Variants in PSMA2 observed in about 807,000 individuals in gnomAD.
PSMA2 encodes the protein proteasome subunit alpha type-2.
In PSMA2, 2 loss-of-function variants were observed where a neutral mutation model predicts 35.9. The observed-to-expected ratio is 0.06, with a 90% CI of 0.02 to 0.18. PSMA2 has a LOEUF of 0.18. Among genes scored for constraint, PSMA2 ranks in the 10% least tolerant of loss-of-function variants. The pLI is 1.00. For synonymous variants in PSMA2, 97 were observed against 98.2 expected, an observed-to-expected ratio of 0.99 and a Z score of 0.07; for missense variants, 126 against 278.8, an observed-to-expected ratio of 0.45 and a Z score of 3.90.
rs60660330 is a variant in PSMA2 at position 42,930,225 on chromosome 7, GCACA to G, written c.41+1889_41+1892del. Among the ~76,000 whole-genome samples, 688 of 150,344 alleles carry G rather than the reference GCACA, an allele frequency of 4.6e-3. 6 individuals are homozygous for G. Among genetic ancestry groups the G allele is most frequent in the African/African-American group, 0.014 (578 of 40,802 alleles). ...TGTTAAAACACACACACACACACACGCACACACACACACACACACACACAAGTTT... is the reference window on the plus strand; with the variant it reads ...TGTTAAAACACACACACACACACACGCACACACACACACACACACAAGTTT... On this transcript the variant is annotated intron_variant, in intron 1 of 7. Coordinates refer to ENST00000223321, the MANE Select transcript of PSMA2 (RefSeq NM_002787.5).
At position 42,927,469 on chromosome 7, in the gene PSMA2, AAC is replaced by A; in HGVS notation, c.42-12_42-11del. 1 of 1,612,550 alleles carries A rather than the reference AAC, an allele frequency of 6.2e-7. No homozygotes were observed. The highest frequency in any genetic ancestry group is 8.5e-7 in the Non-Finnish European group (1 of 1,178,578). Reference sequence around the variant, plus strand: ...AAGTTTACCAGACGGGCTTAAAAGAAACACAGGTATTTGTAAGTTCACATATC... The same window carrying A: ...AAGTTTACCAGACGGGCTTAAAAGAAACAGGTATTTGTAAGTTCACATATC... On this transcript the variant is annotated splice_polypyrimidine_tract_variant and intron_variant, in intron 1 of 7. Coordinates refer to ENST00000223321, the MANE Select transcript of PSMA2 (RefSeq NM_002787.5).
intron 3 of PSMA2, among the ~76,000 whole-genome samples, chr7:42,926,243 C>T (rs779855156): frequency 9.9e-5 from 15 of 152,208 alleles, no homozygotes; most frequent in Admixed American, 2.6e-4. Context: ...CCCTTACGCC[C>T]AGTTCCTGGA....
chr7:42,928,994 T>C (rs541752508), intron 1 of PSMA2, among the ~76,000 whole-genome samples: 4 of 152,276 alleles, frequency 2.6e-5, no homozygotes, highest in African/African-American at 9.6e-5. Context: ...TTTTTTTTTT[T>C]AGTAACAGGG....
chr7:42,921,966 T>G, intron 5 of PSMA2, 35 bp from the exon 6 acceptor site: 1 of 1,526,556 alleles, frequency 6.6e-7, no homozygotes, highest in Non-Finnish European at 9.0e-7. Flanking sequence ...AACCATATTT[T>G]AAAACACAAA....
At position 42,917,149 on chromosome 7, in the gene PSMA2, G is replaced by C. The variant is rs1364532765; in HGVS notation, c.*425C>G. ...TAAAAGTACCTATGCTTCTTTTCTT[G>C]TTCCATGAATCCGTGAAAGTCTGCA... On this transcript the variant is annotated 3_prime_UTR_variant, in exon 8 of 8. Coordinates refer to ENST00000223321, the MANE Select transcript of PSMA2 (RefSeq NM_002787.5). 1 of 167,888 alleles carries C rather than the reference G, an allele frequency of 6.0e-6. No homozygotes were observed. Among genetic ancestry groups the C allele is most frequent in the African/African-American group, 2.4e-5 (1 of 41,526 alleles). 10.4% of individuals were successfully genotyped at this position (167,888 alleles called of 1,614,324 possible).
chr7:42,918,041 GT>G, intron 6 of PSMA2: 1 of 370,714 alleles, frequency 2.7e-6, no homozygotes, highest in Non-Finnish European at 4.8e-6. Context: ...ATCATGAACG[GT>G]ATGACCCTAA....
chr7:42,924,234 G>T (rs2128674167), intron 4 of PSMA2, among the ~76,000 whole-genome samples: 1 of 151,184 alleles, frequency 6.6e-6, no homozygotes, highest in Non-Finnish European at 1.5e-5. Context: ...ATGCACGCCT[G>T]TGGTGCCAGC....
intron 6 of PSMA2, 175 bp from the exon 7 acceptor site, chr7:42,918,010 ATCT>A: frequency 2.1e-6 from 1 of 479,966 alleles, no homozygotes; most frequent in Non-Finnish European, 3.7e-6. Context: ...AACTGACAAT[ATCT>A]GGTGCTCAAT....
intron 3 of PSMA2, 60 bp from the exon 4 acceptor site, chr7:42,924,857 T>A (rs1183474163): frequency 1.1e-5 from 17 of 1,519,786 alleles, no homozygotes; most frequent in Admixed American, 9.3e-5. Context: ...TGAAGACTCA[T>A]TCTCCTTTTA....
Position 42,924,770 on chromosome 7 carries a change from T to C in PSMA2, c.279A>G (p.Leu93=). The C allele has an allele frequency of 1.2e-6, 2 of 1,612,602 alleles. No individual in the cohort carries two copies. Among genetic ancestry groups the C allele is most frequent in the Non-Finnish European group, 8.5e-7 (1 of 1,179,026 alleles). ...GGTACACAAGATAGTATTGTTGAGC[T>C]AGTTTTCGAGCTCTGTGCACAAGCA... ...YRVLVHRARK[L]AQQYYLVYQE... is the part of the protein sequence containing the mutation. Residue 93 remains leucine (L), a synonymous_variant, in exon 4 of 8, where the codon CTA becomes CTG. Transcript: ENST00000223321.
rs561651095 is a variant in PSMA2, at chr7:42,930,689, C to T, written c.41+1429G>A. 2.4e-4 allele frequency among the ~76,000 whole-genome samples: 37 copies of T among 152,090 alleles called. 1 individual carries two copies. The highest frequency in any genetic ancestry group is 2.0e-3 in the Admixed American group (31 of 15,284). ...ACCACATTTGCAGCCTGGGCAACATCGCAAGACCTCATGCCTTAAAAAAAA... is the reference window on the plus strand; with the variant it reads ...ACCACATTTGCAGCCTGGGCAACATTGCAAGACCTCATGCCTTAAAAAAAA... On this transcript the variant is annotated intron_variant, in intron 1 of 7. Transcript: ENST00000223321.
At position 42,927,458 on chromosome 7, in the gene PSMA2, G is replaced by A; in HGVS notation, c.43C>T (p.Pro15Ser). 1 of 1,613,632 alleles carries A rather than the reference G, an allele frequency of 6.2e-7. No homozygotes were observed. Among genetic ancestry groups the A allele is most frequent in the Non-Finnish European group, 8.5e-7 (1 of 1,179,728 alleles). Reference protein sequence around the residue: ...GYSFSLTTFSPSGKLVQIEYA... With the variant: ...GYSFSLTTFSSSGKLVQIEYA... ...TCAATCTGGACAAGTTTACCAGACG[G>A]GCTTAAAAGAAACACAGGTATTTGT... The change falls in exon 2 of 8, where the codon CCG (proline) becomes TCG (serine). Residue 15 changes from proline to serine, a missense_variant and splice_region_variant. Coordinates refer to ENST00000223321, the MANE Select transcript of PSMA2 (RefSeq NM_002787.5).
rs1226745466 is a variant in PSMA2, at chr7:42,917,615, T to C, written c.664A>G (p.Thr222Ala). 1 of 1,612,840 alleles carries C rather than the reference T, an allele frequency of 6.2e-7. No homozygotes were observed. The highest frequency in any genetic ancestry group is 1.7e-5 in the Admixed American group (1 of 60,000). The part of the protein sequence containing the change: ...ICNEAGFRRL[T>A]PTEVKDYLAA... ...AAGTAATCCTTAACTTCAGTTGGAG[T>C]AAGCCTCCTAAATCCAGCTTCATTG... is the stretch of plus-strand genomic sequence containing the variant. The change falls in exon 8 of 8, where the codon ACT becomes GCT. Residue 222 changes from threonine (T) to alanine (A), a missense_variant. Thr to Ala is a moderately conservative substitution (Grantham distance 58). This residue lies in a region of PSMA2 where 42 missense variants were observed against 83.6 expected (regional missense o/e 0.50). Transcript: ENST00000223321.
At chr7:42,920,131 G>C (rs2063083443) in intron 6 of PSMA2, 2 of 418,406 alleles carry the variant, frequency 4.8e-6, no homozygotes, top group Non-Finnish European at 8.8e-6. Flanking sequence ...AACTGGACTA[G>C]AACGAGCAAG....
chr7:42,922,264 T>C (rs889303443), intron 5 of PSMA2, among the ~76,000 whole-genome samples: 4 of 152,086 alleles, frequency 2.6e-5, no homozygotes, highest in African/African-American at 9.7e-5. Flanking sequence ...AAAAATCCAG[T>C]TAAAAGAAAT....
chr7:42,929,582 T>C (rs1440924452), intron 1 of PSMA2, among the ~76,000 whole-genome samples: 1 of 152,162 alleles, frequency 6.6e-6, no homozygotes, highest in East Asian at 1.9e-4. Context: ...CATCCCTACA[T>C]GGGATAACTG....
chr7:42,918,968 C>T (rs1441247928), intron 6 of PSMA2: 8 of 207,598 alleles, frequency 3.9e-5, no homozygotes, highest in East Asian at 1.4e-4. Context: ...GGATTACAGG[C>T]GCGCGCTATC....
chr7:42,923,136 T>G (rs1786153194), intron 5 of PSMA2, among the ~76,000 whole-genome samples, 189 bp downstream of exon 5: 1 of 152,204 alleles, frequency 6.6e-6, no homozygotes, highest in Non-Finnish European at 1.5e-5. Context: ...TAATACAGCT[T>G]CCTTATCAGA....
chr7:42,926,122 A>G (rs1481867150), intron 3 of PSMA2, among the ~76,000 whole-genome samples: 2 of 152,248 alleles, frequency 1.3e-5, no homozygotes, highest in Admixed American at 1.3e-4. Context: ...AGGAAAAAAG[A>G]TAACTCTGGA....
Sources: gnomAD v4.1 joint callset for allele counts (sites outside exome capture counted in the v4.1 genomes callset) on GRCh38, gnomAD v4.1.1 for gene constraint, gnomAD v4.1.1 regional missense constraint, MANE v1.5 for transcripts, NCBI Gene and HGNC (gene_info 2026-07-23, HGNC 2026-07-21) for gene names.